The following ZNF608 variants were observed in gnomAD, a reference collection of about 807,000 sequenced individuals.
The protein encoded by ZNF608 is zinc finger protein 608, also known as renal carcinoma antigen NY-REN-36.
ZNF608 carries 12 observed loss-of-function variants against 109.0 expected under a neutral mutation model. The observed-to-expected ratio is 0.11, with a 90% CI of 0.07 to 0.18. ZNF608 has a LOEUF of 0.18. Among genes scored for constraint, ZNF608 ranks in the 10% least tolerant of loss-of-function variants. The pLI, the probability that ZNF608 is intolerant of heterozygous loss-of-function variation, is 1.00. For missense variants in ZNF608, 1,707 were observed against 1,879.3 expected (o/e 0.91, Z 1.70); for synonymous variants, 732 against 717.4 (o/e 1.02, Z -0.33).
chr5:124,672,304 A>C (rs983522376), intron 3 of ZNF608, among the ~76,000 whole-genome samples: 7 of 152,186 alleles, frequency 4.6e-5, no homozygotes, highest in Non-Finnish European at 1.0e-4. Flanking sequence ...TCTGGATCCC[A>C]AAGGCCACTT....
chr5:124,730,729 T>C (rs1052029932), intron 2 of ZNF608, among the ~76,000 whole-genome samples: 3 of 152,190 alleles, frequency 2.0e-5, no homozygotes, highest in Admixed American at 6.5e-5. Context: ...GTCTGTAGTA[T>C]ACAGAACAGG....
In ZNF608 at chr5:124,699,634, C is replaced by T. The variant is rs570009833; in HGVS notation, c.1162+1380G>A. On this transcript the variant is annotated intron_variant, in intron 3 of 9. Coordinates refer to ENST00000513986, the MANE Select transcript of ZNF608 (RefSeq NM_020747.3). ...ATCTACAAATATTTTTATTTAACTACGAAACATATCGCACAAGAGTATATT... is the reference window on the plus strand; with the variant it reads ...ATCTACAAATATTTTTATTTAACTATGAAACATATCGCACAAGAGTATATT... 6.6e-4 allele frequency among the ~76,000 whole-genome samples: 100 copies of T among 152,190 alleles called. 2 individuals are homozygous for T. The highest frequency in any genetic ancestry group is 6.5e-4 in the Admixed American group (10 of 15,300).
chr5:124,639,478 G>A (rs1750137693), intron 8 of ZNF608, among the ~76,000 whole-genome samples: 1 of 152,180 alleles, frequency 6.6e-6, no homozygotes, highest in African/African-American at 2.4e-5. Context: ...GGTGCTAAAT[G>A]GTTTGCATGC....
intron 3 of ZNF608, among the ~76,000 whole-genome samples, chr5:124,682,067 GCTTTT>G (rs1411444379): frequency 2.6e-5 from 4 of 152,022 alleles, no homozygotes; most frequent in African/African-American, 7.2e-5. Flanking sequence ...TCCCATGAAT[GCTTTT>G]CTTTTCTTTT....
intron 3 of ZNF608, among the ~76,000 whole-genome samples, chr5:124,699,045 A>G (rs1752949374): frequency 6.6e-6 from 1 of 152,256 alleles, no homozygotes; most frequent in Non-Finnish European, 1.5e-5. Context: ...GCTAATGAGT[A>G]AATTATCCAA....
chr5:124,693,443 C>A (rs1752697076), intron 3 of ZNF608, among the ~76,000 whole-genome samples: 1 of 151,964 alleles, frequency 6.6e-6, no homozygotes, highest in South Asian at 2.1e-4. Context: ...ATAACTAAGT[C>A]CTAAGAAAAA....
chr5:124,668,641 C>T (rs1202265282), intron 3 of ZNF608, among the ~76,000 whole-genome samples: 1 of 152,138 alleles, frequency 6.6e-6, no homozygotes, highest in East Asian at 1.9e-4. Flanking sequence ...GCCATCAGGA[C>T]ACCAGTTGCC....
intron 3 of ZNF608, among the ~76,000 whole-genome samples, chr5:124,675,893 G>A (rs1201600034): frequency 6.6e-6 from 1 of 152,196 alleles, no homozygotes; most frequent in Non-Finnish European, 1.5e-5. Flanking sequence ...TGAAAATAAG[G>A]CAAAGGTTTA....
At chr5:124,644,748 G>C (rs1750422122) in intron 5 of ZNF608, 87 bp from the exon 6 acceptor site, 2 of 1,102,758 alleles carry the variant, frequency 1.8e-6, no homozygotes, top group Non-Finnish European at 2.5e-6. Context: ...AATCATGACA[G>C]CACTAGCACT....
Position 124,729,256 on chromosome 5 carries a change from C to T in ZNF608, c.906+14828G>A, listed in dbSNP as rs574285210. Among the ~76,000 whole-genome samples the T allele has an allele frequency of 3.2e-4, 49 of 152,214 alleles. 1 individual carries two copies. The highest frequency in any genetic ancestry group is 3.4e-4 in the Non-Finnish European group (23 of 68,042). ...CACTGTCCCTTTCACAAGCTTACTC[C>T]GTCTTTGAGCTTCACAGCTGCAGTT... On this transcript the variant is annotated intron_variant, in intron 2 of 9. Coordinates refer to ENST00000513986, the MANE Select transcript of ZNF608 (RefSeq NM_020747.3).
In ZNF608 at chr5:124,643,593, A is replaced by G. The variant is rs1199648131; in HGVS notation, c.4214T>C (p.Val1405Ala). ...ETEKVNTSPSVNTKTTTESKA... is the reference protein window; with the variant it reads ...ETEKVNTSPSANTKTTTESKA... The stretch of plus-strand genomic sequence containing the variant: ...AGATTCAGTGGTTGTTTTCGTGTTG[A>G]CGCTAGGGCTGGTATTGACTTTCTC... The change falls in exon 7 of 10, where the codon GTC becomes GCC. Residue 1405 changes from valine (V) to alanine (A), a missense_variant. Physicochemically the swap from Val to Ala is moderately conservative, Grantham distance 64. Transcript: ENST00000513986. The G allele has an allele frequency of 1.2e-6, 2 of 1,614,188 alleles. No individual in the cohort carries two copies. Among genetic ancestry groups the G allele is most frequent in the Non-Finnish European group, 1.7e-6 (2 of 1,180,014 alleles).
rs770689089 is a variant in ZNF608, at chr5:124,745,023, T to G, written c.-34A>C. 8 of 1,554,362 alleles carry G rather than the reference T, an allele frequency of 5.1e-6. No homozygotes were observed. The highest frequency in any genetic ancestry group is 8.7e-7 in the Non-Finnish European group (1 of 1,154,190). ...TGAGCTCTCTAGAATAAAAATCCGATGAACTTTTCTTTGGAGATGAGGGGA... is the reference window on the plus strand; with the variant it reads ...TGAGCTCTCTAGAATAAAAATCCGAGGAACTTTTCTTTGGAGATGAGGGGA... On this transcript the variant is annotated 5_prime_UTR_variant, in exon 2 of 10. Transcript: ENST00000513986.
upstream of ZNF608, chr5:124,746,790 A>G: frequency 1.0e-6 from 1 of 984,722 alleles, no homozygotes; most frequent in Non-Finnish European, 1.2e-6. Context: ...GAACTAACTT[A>G]AGAGAAAAGG....
chr5:124,687,347 A>G (rs1177651415), intron 3 of ZNF608, among the ~76,000 whole-genome samples: 1 of 152,208 alleles, frequency 6.6e-6, no homozygotes, highest in Non-Finnish European at 1.5e-5. Context: ...AAAGTGTTTA[A>G]TTGTTCAGAT....
intron 2 of ZNF608, among the ~76,000 whole-genome samples, chr5:124,721,971 A>AAAAAAAAAAAACC (rs1463656704): frequency 6.9e-6 from 1 of 145,670 alleles, no homozygotes; most frequent in African/African-American, 2.5e-5. Context: ...AAAAAAAAAA[A>AAAAAAAAAAAACC]AGAACTCAAA....
chr5:124,739,459 C>T (rs1323984448), intron 2 of ZNF608, among the ~76,000 whole-genome samples: 2 of 152,170 alleles, frequency 1.3e-5, no homozygotes, highest in African/African-American at 2.4e-5. Context: ...CCAGAGTTGG[C>T]GTGAGAGCCT....
intron 3 of ZNF608, among the ~76,000 whole-genome samples, chr5:124,650,438 C>T (rs952068902): frequency 1.3e-5 from 2 of 152,204 alleles, no homozygotes; most frequent in Admixed American, 1.3e-4. Flanking sequence ...CTTTGGTACG[C>T]ATTTGCCTCA....
At position 124,693,974 on chromosome 5, in the gene ZNF608, C is replaced by CTTTTTTTTTTT. The variant is rs746610497; in HGVS notation, c.1162+7029_1162+7039dup. On this transcript the variant is annotated intron_variant, in intron 3 of 9. Transcript: ENST00000513986. ...GTGAAGCTGGTAACATTTCATTAAT[C>CTTTTTTTTTTT]TTTTTTTTTTTTTTTTTTTGAGAGA... Among the ~76,000 whole-genome samples the CTTTTTTTTTTT allele has an allele frequency of 6.3e-3, 381 of 60,946 alleles. 147 individuals are homozygous for CTTTTTTTTTTT. The East Asian group carries it at 0.092, about 15-fold the overall frequency. 40.0% of individuals were successfully genotyped at this position (60,946 alleles called of 152,430 possible).
chr5:124,683,823 T>G (rs1168114468), intron 3 of ZNF608, among the ~76,000 whole-genome samples: 1 of 152,222 alleles, frequency 6.6e-6, no homozygotes, highest in Non-Finnish European at 1.5e-5. Context: ...AAGGTATATA[T>G]AAGTAGCACT....
Sources: gnomAD v4.1 joint callset for allele counts (sites outside exome capture counted in the v4.1 genomes callset) on GRCh38, gnomAD v4.1.1 for gene constraint, MANE v1.5 for transcripts, NCBI Gene and HGNC (gene_info 2026-07-23, HGNC 2026-07-21) for gene names.